HPS3: variants seen among roughly 807,000 people sequenced by gnomAD.
The protein encoded by HPS3 is BLOC-2 complex member HPS3.
HPS3 carries 79 observed loss-of-function variants against 110.9 expected under a neutral mutation model. The observed-to-expected ratio is 0.71, with a 90% CI of 0.59 to 0.86. The LOEUF (loss-of-function observed/expected upper bound fraction) is 0.86, where lower values mean the gene tolerates loss of function less well. Among genes scored for constraint, HPS3 ranks in the 40% least tolerant of loss-of-function variants. The pLI is 0.00. For missense variants in HPS3, 1,197 were observed against 1,206.2 expected (o/e 0.99, Z 0.11); for synonymous variants, 428 against 451.0 (o/e 0.95, Z 0.65).
chr3:149,145,571 G>T, intron 5 of HPS3, 25 bp downstream of exon 5: 1 of 1,587,904 alleles, frequency 6.3e-7, no homozygotes, highest in South Asian at 1.1e-5. Context: ...TCACTTGCTG[G>T]CCTGTGAGTC....
intron 5 of HPS3, among the ~76,000 whole-genome samples, chr3:149,146,578 G>T (rs1477182304): frequency 6.6e-6 from 1 of 152,230 alleles, no homozygotes; most frequent in East Asian, 1.9e-4. Context: ...CCCCACCACT[G>T]AGTGGTAGTA....
intron 8 of HPS3, among the ~76,000 whole-genome samples, chr3:149,155,951 T>A (rs1723431711): frequency 6.6e-6 from 1 of 152,132 alleles, no homozygotes; most frequent in Admixed American, 6.6e-5. Flanking sequence ...GGAAGATCAC[T>A]TGAGCCCAGG....
intron 5 of HPS3, 112 bp from the exon 6 acceptor site, chr3:149,150,487 T>C: frequency 1.3e-6 from 1 of 768,882 alleles, no homozygotes; most frequent in Non-Finnish European, 2.3e-6. Context: ...ATTTGACAAA[T>C]ACTTGACTGT....
chr3:149,163,879 G>T lies in HPS3; in HGVS notation c.2519G>T (p.Trp840Leu). The T allele has an allele frequency of 1.3e-6, 2 of 1,585,086 alleles. No homozygotes were observed. The highest frequency in any genetic ancestry group is 1.7e-4 in the Middle Eastern group (1 of 5,958). ...ACSHYGLIYP[W>L]VHVVISSDSL... The stretch of plus-strand genomic sequence containing the variant: ...AGTCATTATGGCTTAATTTATCCAT[G>T]GGTTCACGTCGTAATATCATCTGAT... The change falls in exon 14 of 17, where the codon TGG (tryptophan) becomes TTG (leucine). Residue 840 changes from tryptophan to leucine, a missense_variant. By Grantham distance (61) the Trp-to-Leu change is moderately conservative. Coordinates refer to ENST00000296051, the MANE Select transcript of HPS3 (RefSeq NM_032383.5).
intron 1 of HPS3, among the ~76,000 whole-genome samples, chr3:149,133,790 CTTTG>C (rs1214446951): frequency 6.6e-6 from 1 of 151,978 alleles, no homozygotes; most frequent in Non-Finnish European, 1.5e-5. Flanking sequence ...ATGTACATTG[CTTTG>C]TTTTTTTGTT....
At chr3:149,169,038 C>CGTGTGTGTGTGTGT (rs34076994) in intron 16 of HPS3, among the ~76,000 whole-genome samples, 214 of 149,808 alleles carry the variant, frequency 1.4e-3, no homozygotes, top group African/African-American at 5.0e-3. Context: ...TGTGTGCATA[C>CGTGTGTGTGTGTGT]GTGTGTGTGT....
At chr3:149,135,884 C>T (rs1359908532) in intron 1 of HPS3, among the ~76,000 whole-genome samples, 2 of 152,150 alleles carry the variant, frequency 1.3e-5, no homozygotes. Flanking sequence ...ACAAGCCCTA[C>T]TTTCTCTCAG....
intron 4 of HPS3, among the ~76,000 whole-genome samples, chr3:149,143,929 C>T (rs1425293472): frequency 6.6e-6 from 1 of 152,114 alleles, no homozygotes; most frequent in Non-Finnish European, 1.5e-5. Context: ...TGCAGTGAAC[C>T]CCCACGTACC....
chr3:149,130,625 C>A (rs139580518), intron 1 of HPS3, among the ~76,000 whole-genome samples: 1 of 152,190 alleles, frequency 6.6e-6, no homozygotes, highest in Non-Finnish European at 1.5e-5. Context: ...ACTAAAAATA[C>A]AAAAATTAGC....
At chr3:149,157,580 G>A (rs1366777231) in intron 9 of HPS3, 49 bp downstream of exon 9, 1 of 1,552,766 alleles carries the variant, frequency 6.4e-7, no homozygotes, top group Non-Finnish European at 8.9e-7. Context: ...CTTGAACTTT[G>A]GGTACACTTG....
intron 14 of HPS3, among the ~76,000 whole-genome samples, chr3:149,165,168 A>C (rs978750055): frequency 6.6e-6 from 1 of 152,186 alleles, no homozygotes; most frequent in South Asian, 2.1e-4. Context: ...CATTTCACGA[A>C]TATTGCTTGA....
At chr3:149,155,043 C>A in intron 7 of HPS3, 64 bp from the exon 8 acceptor site, 1 of 846,880 alleles carries the variant, frequency 1.2e-6, no homozygotes, top group Non-Finnish European at 2.1e-6. Context: ...CAATATTTAC[C>A]ATTTACAACT....
At chr3:149,168,912 CT>C (rs1432797233) in intron 16 of HPS3, among the ~76,000 whole-genome samples, 3 of 152,048 alleles carry the variant, frequency 2.0e-5, no homozygotes, top group Non-Finnish European at 4.4e-5. Context: ...TCATCATTAT[CT>C]TAATCAGAAG....
chr3:149,131,553 C>CAATT (rs1324939235), intron 1 of HPS3, among the ~76,000 whole-genome samples: 1 of 152,150 alleles, frequency 6.6e-6, no homozygotes, highest in Admixed American at 6.5e-5. Flanking sequence ...AGATGGTGAA[C>CAATT]TTAATTGATA....
At chr3:149,158,553 T>C in intron 9 of HPS3, 113 bp from the exon 10 acceptor site, 1 of 1,031,630 alleles carries the variant, frequency 9.7e-7, no homozygotes, top group Non-Finnish European at 1.5e-6. Flanking sequence ...TTTGGGAGGC[T>C]GAGGTAGGAT....
chr3:149,147,448 G>A (rs1346043606), intron 5 of HPS3, among the ~76,000 whole-genome samples: 1 of 152,146 alleles, frequency 6.6e-6, no homozygotes, highest in East Asian at 1.9e-4. Context: ...AGATTTTTAA[G>A]GATGCAGAAG....
chr3:149,138,599 A>G (rs1722260805), intron 1 of HPS3, among the ~76,000 whole-genome samples: 1 of 152,236 alleles, frequency 6.6e-6, no homozygotes, highest in African/African-American at 2.4e-5. Flanking sequence ...GGTATGGTAA[A>G]ACATGCCATC....
At position 149,160,083 on chromosome 3, in the gene HPS3, C is replaced by T. The variant is rs1202922570; in HGVS notation, c.1910C>T (p.Ala637Val). The change falls in exon 11 of 17, where the codon GCT becomes GTT. Residue 637 changes from alanine to valine, a missense_variant. Physicochemically the swap from Ala to Val is moderately conservative, Grantham distance 64 (BLOSUM62 0). Transcript: ENST00000296051. ...AAAGTGGTTCAGATGTTTTATGTGGCTGAGCCAAAGCAAGTGCCCCATATT... is the reference window on the plus strand; with the variant it reads ...AAAGTGGTTCAGATGTTTTATGTGGTTGAGCCAAAGCAAGTGCCCCATATT... ...AAKVVQMFYV[A>V]EPKQVPHILC... 2.5e-6 allele frequency: 4 copies of T among 1,613,802 alleles called. No individual in the cohort carries two copies. The highest frequency in any genetic ancestry group is 1.3e-5 in the African/African-American group (1 of 74,888).
At chr3:149,155,797 G>C (rs1394711612) in intron 8 of HPS3, among the ~76,000 whole-genome samples, 1 of 152,118 alleles carries the variant, frequency 6.6e-6, no homozygotes. Context: ...CCTTTGGGAG[G>C]CTGAGGCAGG....
Sources: allele counts gnomAD v4.1 joint callset (sites outside exome capture counted in the v4.1 genomes callset), GRCh38; gene constraint gnomAD v4.1.1; transcripts MANE v1.5; gene names NCBI Gene and HGNC (gene_info 2026-07-23, HGNC 2026-07-21).